FRMD4A: variants seen among roughly 807,000 people sequenced by gnomAD.
The protein encoded by FRMD4A is FERM domain containing 4A.
A neutral mutation model predicts 129.1 loss-of-function variants in FRMD4A; 29 were observed. The observed-to-expected ratio is 0.22, with a 90% CI of 0.17 to 0.31. The LOEUF is 0.31. FRMD4A is among the 10% of genes least tolerant of loss of function. The pLI, the probability that FRMD4A is intolerant of heterozygous loss-of-function variation, is 1.00. For synonymous variants in FRMD4A, 634 were observed against 571.6 expected, an observed-to-expected ratio of 1.11 and a Z score of -1.56; for missense variants, 1,272 against 1,375.8, an observed-to-expected ratio of 0.92 and a Z score of 1.19.
At chr10:14,220,704 A>T (rs749067798) in intron 2 of FRMD4A, among the ~76,000 whole-genome samples, 7 of 152,012 alleles carry the variant, frequency 4.6e-5, no homozygotes, top group Non-Finnish European at 8.8e-5. Context: ...TCAATAGAGG[A>T]CCAGCAGAGG....
intron 2 of FRMD4A, among the ~76,000 whole-genome samples, chr10:13,926,271 T>C (rs1228255130): frequency 6.6e-6 from 1 of 152,154 alleles, no homozygotes; most frequent in Non-Finnish European, 1.5e-5. Context: ...TCAGTGAAAA[T>C]CTCATCACTG....
intron 2 of FRMD4A, among the ~76,000 whole-genome samples, chr10:14,021,450 G>A (rs1832747644): frequency 6.6e-6 from 1 of 152,012 alleles, no homozygotes; most frequent in African/African-American, 2.4e-5. Context: ...CCACCTACTT[G>A]GGAGGCTGAG....
intron 2 of FRMD4A, among the ~76,000 whole-genome samples, chr10:14,141,586 T>C (rs918957095): frequency 9.3e-4 from 121 of 130,810 alleles, no homozygotes; most frequent in African/African-American, 3.4e-3. Flanking sequence ...TCTCTACCCC[T>C]GCCATACCCC....
chr10:13,791,913 G>A lies in FRMD4A; in HGVS notation c.299+4583C>T, dbSNP rs375719566. Among the ~76,000 whole-genome samples the A allele has an allele frequency of 4.4e-4, 67 of 152,310 alleles. 1 individual carries two copies. In the South Asian group the frequency reaches 8.9e-3, roughly 20 times the overall value. On this transcript the variant is annotated intron_variant, in intron 5 of 24. Coordinates refer to ENST00000357447, the MANE Select transcript of FRMD4A (RefSeq NM_018027.5). ...CACAGTTCAAAGAATACCTTCCGGC[G>A]GGTCTCCACAGTGTCAGATAATGCA...
intron 2 of FRMD4A, among the ~76,000 whole-genome samples, chr10:14,227,562 T>C (rs577384203): frequency 4.2e-4 from 64 of 152,160 alleles, no homozygotes; most frequent in African/African-American, 1.5e-3. Flanking sequence ...CTCTCTTTAG[T>C]GTTCTAGCCT....
intron 3 of FRMD4A, among the ~76,000 whole-genome samples, chr10:13,823,040 C>T (rs1001702270): frequency 1.3e-5 from 2 of 152,132 alleles, no homozygotes; most frequent in African/African-American, 4.8e-5. Context: ...TAGTTTCTTC[C>T]ATATTTTCCT....
intron 14 of FRMD4A, among the ~76,000 whole-genome samples, chr10:13,696,174 C>T (rs2086209607): frequency 6.6e-6 from 1 of 152,154 alleles, no homozygotes; most frequent in Non-Finnish European, 1.5e-5. Context: ...GCTGCCAGGC[C>T]CTCGAAGGAT....
intron 2 of FRMD4A, among the ~76,000 whole-genome samples, chr10:13,928,370 C>A (rs1589300753): frequency 6.6e-6 from 1 of 151,382 alleles, no homozygotes; most frequent in East Asian, 1.9e-4. Flanking sequence ...AAACTCTGAG[C>A]AAACCAAGTT....
chr10:14,324,142 G>T (rs1224983188), intron 2 of FRMD4A, among the ~76,000 whole-genome samples: 2 of 152,158 alleles, frequency 1.3e-5, no homozygotes, highest in African/African-American at 2.4e-5. Context: ...AACAGAAACA[G>T]GTCCAGCAGA....
At chr10:13,850,551 A>T (rs2094127063) in intron 3 of FRMD4A, among the ~76,000 whole-genome samples, 1 of 152,320 alleles carries the variant, frequency 6.6e-6, no homozygotes, top group East Asian at 1.9e-4. Flanking sequence ...ATAGGTTAGG[A>T]AGTGAGTTCA....
At chr10:14,122,238 A>G (rs1838566369) in intron 2 of FRMD4A, among the ~76,000 whole-genome samples, 1 of 152,230 alleles carries the variant, frequency 6.6e-6, no homozygotes, top group Non-Finnish European at 1.5e-5. Flanking sequence ...AAAAGTAGCC[A>G]TTGCTAAAAT....
intron 19 of FRMD4A, among the ~76,000 whole-genome samples, chr10:13,660,785 A>G (rs114595931): frequency 0.012 from 1,877 of 152,338 alleles, 45 homozygotes; most frequent in African/African-American, 0.043. Context: ...GCATGGGAAG[A>G]GATGCGTCAC....
chr10:14,300,794 G>A (rs1846157931), intron 2 of FRMD4A, among the ~76,000 whole-genome samples: 1 of 152,224 alleles, frequency 6.6e-6, no homozygotes, highest in African/African-American at 2.4e-5. Flanking sequence ...TTAGGTCGGA[G>A]GGGAGGTGTT....
intron 2 of FRMD4A, among the ~76,000 whole-genome samples, chr10:14,090,160 T>G (rs1236494584): frequency 1.3e-5 from 2 of 151,662 alleles, no homozygotes. Context: ...GGAACAAGAG[T>G]CTTCGGGGTG....
At chr10:13,675,453 G>C (rs1316461580) in intron 15 of FRMD4A, among the ~76,000 whole-genome samples, 2 of 152,222 alleles carry the variant, frequency 1.3e-5, no homozygotes, top group East Asian at 3.8e-4. Context: ...CCAGCCTGGA[G>C]TACAGTGGCA....
intron 2 of FRMD4A, among the ~76,000 whole-genome samples, chr10:14,251,902 C>A (rs1844454813): frequency 6.6e-6 from 1 of 152,148 alleles, no homozygotes; most frequent in Non-Finnish European, 1.5e-5. Flanking sequence ...CACACACACA[C>A]ACAATTTAAA....
At chr10:14,222,055 A>G (rs1356737551) in intron 2 of FRMD4A, among the ~76,000 whole-genome samples, 1 of 152,204 alleles carries the variant, frequency 6.6e-6, no homozygotes, top group Non-Finnish European at 1.5e-5. Flanking sequence ...GCCCACTACC[A>G]CGTACATGCC....
intron 2 of FRMD4A, among the ~76,000 whole-genome samples, chr10:13,957,092 T>C (rs913535155): frequency 3.3e-5 from 5 of 152,130 alleles, no homozygotes; most frequent in African/African-American, 7.2e-5. Flanking sequence ...CCAAACAGTT[T>C]ATGAAGAACA....
intron 2 of FRMD4A, among the ~76,000 whole-genome samples, chr10:13,909,717 AT>A (rs2094921968): frequency 6.6e-6 from 1 of 152,246 alleles, no homozygotes; most frequent in Non-Finnish European, 1.5e-5. Flanking sequence ...ATAATAAAAA[AT>A]TTTGAAGAAA....
Sources: gnomAD v4.1 joint callset for allele counts (sites outside exome capture counted in the v4.1 genomes callset) on GRCh38, gnomAD v4.1.1 for gene constraint, MANE v1.5 for transcripts, NCBI Gene and HGNC (gene_info 2026-07-23, HGNC 2026-07-21) for gene names.